Variants in CADPS2 observed in about 807,000 individuals in gnomAD.
CADPS2 encodes the protein calcium-dependent secretion activator 2.
Under a neutral mutation model 172.5 loss-of-function variants are expected in CADPS2, and 93 were observed. The observed-to-expected ratio is 0.54, with a 90% CI of 0.46 to 0.64. The LOEUF is 0.64. CADPS2 is among the 30% of genes least tolerant of loss of function. The pLI is 0.00. For missense variants in CADPS2, 1,420 were observed against 1,565.9 expected, an observed-to-expected ratio of 0.91 and a Z score of 1.57; for synonymous variants, 546 against 555.2, an observed-to-expected ratio of 0.98 and a Z score of 0.23.
intron 2 of CADPS2, among the ~76,000 whole-genome samples, chr7:122,666,057 C>G (rs2081161565): frequency 6.6e-6 from 1 of 151,856 alleles, no homozygotes; most frequent in Admixed American, 6.6e-5. Context: ...ACTCATTGAG[C>G]AGTGACATTT....
intron 29 of CADPS2, among the ~76,000 whole-genome samples, chr7:122,321,481 T>C (rs73214169): frequency 0.19 from 29,189 of 151,818 alleles, 3,115 homozygotes; most frequent in Non-Finnish European, 0.25. Flanking sequence ...TTTACTTTTT[T>C]CTTTTCTTTT....
At chr7:122,438,511 A>G in intron 16 of CADPS2, 47 bp from the exon 17 acceptor site, 1 of 1,597,576 alleles carries the variant, frequency 6.3e-7, no homozygotes, top group Non-Finnish European at 8.6e-7. Context: ...TTGGGGATAG[A>G]CAGATGGAAG....
At chr7:122,537,413 T>C (rs1234289768) in intron 8 of CADPS2, among the ~76,000 whole-genome samples, 1 of 151,748 alleles carries the variant, frequency 6.6e-6, no homozygotes, top group African/African-American at 2.4e-5. Flanking sequence ...TTCTTTCTTA[T>C]GCTAATAGAG....
At chr7:122,426,481 G>T (rs1473582981) in intron 17 of CADPS2, among the ~76,000 whole-genome samples, 1 of 152,080 alleles carries the variant, frequency 6.6e-6, no homozygotes, top group Non-Finnish European at 1.5e-5. Context: ...CTTCAATTAG[G>T]CCTTTTAATT....
chr7:122,825,010 C>T (rs1038476941), intron 1 of CADPS2, among the ~76,000 whole-genome samples: 1 of 152,142 alleles, frequency 6.6e-6, no homozygotes, highest in African/African-American at 2.4e-5. Context: ...GTAACAGAGA[C>T]ATTATCCAAT....
intron 2 of CADPS2, among the ~76,000 whole-genome samples, chr7:122,680,110 C>G (rs561801212): frequency 6.6e-6 from 1 of 152,272 alleles, no homozygotes; most frequent in South Asian, 2.1e-4. Context: ...ATTGTTGTTG[C>G]AATGGTTAAT....
chr7:122,643,697 G>T (rs2077954894), intron 3 of CADPS2, among the ~76,000 whole-genome samples: 1 of 152,004 alleles, frequency 6.6e-6, no homozygotes, highest in Non-Finnish European at 1.5e-5. Context: ...GAGAAAGGAG[G>T]GAGAAGGAGA....
chr7:122,637,909 T>G (rs2077231269), intron 3 of CADPS2, among the ~76,000 whole-genome samples: 1 of 152,316 alleles, frequency 6.6e-6, no homozygotes, highest in South Asian at 2.1e-4. Context: ...TTGCCTTAGG[T>G]TTCACAGGTG....
chr7:122,595,275 C>A (rs1394622307), intron 6 of CADPS2, among the ~76,000 whole-genome samples: 2 of 151,820 alleles, frequency 1.3e-5, no homozygotes, highest in Non-Finnish European at 2.9e-5. Context: ...ATAATTATCA[C>A]TAGGTAATCA....
chr7:122,551,052 A>G (rs1348293528), intron 8 of CADPS2, among the ~76,000 whole-genome samples: 1 of 152,146 alleles, frequency 6.6e-6, no homozygotes, highest in Non-Finnish European at 1.5e-5. Context: ...TACTTAAATA[A>G]ACTATAATAT....
At chr7:122,738,693 C>T (rs1453027022) in intron 1 of CADPS2, among the ~76,000 whole-genome samples, 2 of 151,912 alleles carry the variant, frequency 1.3e-5, no homozygotes, top group African/African-American at 4.8e-5. Flanking sequence ...GTTCAAAAGG[C>T]TTATTAAACT....
intron 1 of CADPS2, among the ~76,000 whole-genome samples, chr7:122,845,335 T>C (rs1037518705): frequency 4.6e-5 from 7 of 152,090 alleles, no homozygotes; most frequent in Admixed American, 2.0e-4. Flanking sequence ...TAGCATGAGA[T>C]GGTCTCAAAA....
chr7:122,349,139 A>C (rs992380388), intron 27 of CADPS2, among the ~76,000 whole-genome samples: 4 of 152,088 alleles, frequency 2.6e-5, no homozygotes, highest in African/African-American at 9.7e-5. Context: ...GTAAAGACAA[A>C]CTATAACTAC....
intron 29 of CADPS2, among the ~76,000 whole-genome samples, chr7:122,323,892 TA>T (rs1375581243): frequency 7.3e-4 from 11 of 14,978 alleles, no homozygotes; most frequent in South Asian, 0.012. Flanking sequence ...TATATATATA[TA>T]TATATATATA....
intron 7 of CADPS2, among the ~76,000 whole-genome samples, chr7:122,573,802 T>C (rs553369489): frequency 6.6e-6 from 1 of 152,272 alleles, no homozygotes; most frequent in African/African-American, 2.4e-5. Context: ...ATAAACTGTA[T>C]GTCTAAAATG....
intron 5 of CADPS2, 42 bp downstream of exon 5, chr7:122,621,439 C>G: frequency 4.8e-6 from 6 of 1,261,084 alleles, no homozygotes; most frequent in Non-Finnish European, 6.8e-6. Context: ...TGTGCATCAT[C>G]ATTTATGCTG....
At chr7:122,393,049 A>T in intron 22 of CADPS2, 147 bp downstream of exon 22, 1 of 909,890 alleles carries the variant, frequency 1.1e-6, no homozygotes, top group Non-Finnish European at 1.6e-6. Context: ...TTAGCTTACT[A>T]GCTTAAAAAC....
intron 14 of CADPS2, among the ~76,000 whole-genome samples, chr7:122,459,741 T>C: frequency 6.6e-6 from 1 of 152,200 alleles, no homozygotes; most frequent in East Asian, 1.9e-4. Context: ...CTATAAAATT[T>C]GTAAACAGAT....
At chr7:122,425,173 G>T (rs2048998315) in intron 17 of CADPS2, among the ~76,000 whole-genome samples, 1 of 151,826 alleles carries the variant, frequency 6.6e-6, no homozygotes, top group South Asian at 2.1e-4. Context: ...TACAGACGGG[G>T]TCTCACTATG....
Sources: allele counts gnomAD v4.1 joint callset (sites outside exome capture counted in the v4.1 genomes callset), GRCh38; gene constraint gnomAD v4.1.1; transcripts MANE v1.5; gene names NCBI Gene and HGNC (gene_info 2026-07-23, HGNC 2026-07-21).